NME7: variants seen among roughly 807,000 people sequenced by gnomAD.
The protein encoded by NME7 is NME/NM23 family member 7.
A neutral mutation model predicts 49.1 loss-of-function variants in NME7; 41 were observed. The observed-to-expected ratio is 0.83, with a 90% confidence interval of 0.65 to 1.08. The LOEUF is 1.08. NME7 is among the 50% of genes least tolerant of loss of function. NME7 has a pLI of 0.00. For missense variants in NME7, 423 were observed against 463.4 expected (o/e 0.91, Z 0.80); for synonymous variants, 139 against 150.6 (o/e 0.92, Z 0.56).
intron 11 of NME7, among the ~76,000 whole-genome samples, chr1:169,167,623 G>T (rs967089892): frequency 6.6e-6 from 1 of 151,976 alleles, no homozygotes. Flanking sequence ...TATTTTCTCA[G>T]AATTTTTCAT....
chr1:169,237,092 A>G (rs927278462), intron 8 of NME7, among the ~76,000 whole-genome samples: 1 of 152,106 alleles, frequency 6.6e-6, no homozygotes, highest in Non-Finnish European at 1.5e-5. Flanking sequence ...CGCAATTTTG[A>G]ACAAGCGTGG....
chr1:169,211,256 T>C (rs1451202162), intron 10 of NME7, among the ~76,000 whole-genome samples: 2 of 152,196 alleles, frequency 1.3e-5, no homozygotes, highest in Non-Finnish European at 2.9e-5. Context: ...ATCATGTATC[T>C]GTTAAAAATG....
chr1:169,198,337 C>G (rs1034356130), intron 10 of NME7, among the ~76,000 whole-genome samples: 15 of 152,046 alleles, frequency 9.9e-5, no homozygotes, highest in African/African-American at 3.6e-4. Flanking sequence ...TACCATATAA[C>G]TCAGCAATAC....
intron 11 of NME7, among the ~76,000 whole-genome samples, chr1:169,156,210 G>A (rs1309547251): frequency 1.3e-5 from 2 of 151,294 alleles, no homozygotes; most frequent in Non-Finnish European, 2.9e-5. Context: ...CTGCTAGGGA[G>A]GCTGAGGAGG....
rs778696333 is a variant in NME7 at position 169,324,377 on chromosome 1, A to C, written c.111+16T>G. 92 of 1,546,530 alleles carry C rather than the reference A, an allele frequency of 5.9e-5. No homozygotes were observed. Among genetic ancestry groups the C allele is most frequent in the Non-Finnish European group, 8.0e-5 (90 of 1,121,044 alleles). ...ACCCCCTTTGCCAACATTCAAGCAA[A>C]GAAAGGCTTATTTACCATTTCAACA... On this transcript the variant is annotated intron_variant, in intron 2 of 11. Coordinates refer to ENST00000367811, the MANE Select transcript of NME7 (RefSeq NM_013330.5).
intron 7 of NME7, among the ~76,000 whole-genome samples, chr1:169,254,367 T>C (rs979854579): frequency 2.0e-5 from 3 of 152,054 alleles, no homozygotes; most frequent in African/African-American, 7.2e-5. Context: ...GTTTGTAGTA[T>C]TCTCTGATGG....
chr1:169,301,842 C>T (rs1314915388), intron 5 of NME7: 2 of 152,088 alleles, frequency 1.3e-5, no homozygotes, highest in African/African-American at 4.8e-5. Flanking sequence ...GCTGCATGTT[C>T]GCACTTACAA....
chr1:169,324,300 A>G, intron 2 of NME7, 93 bp downstream of exon 2: 1 of 711,802 alleles, frequency 1.4e-6, no homozygotes, highest in Non-Finnish European at 2.5e-6. Context: ...ACACATACAT[A>G]TAAATGTGTT....
chr1:169,291,037 T>C (rs1178560884), intron 6 of NME7, among the ~76,000 whole-genome samples: 1 of 152,058 alleles, frequency 6.6e-6, no homozygotes, highest in African/African-American at 2.4e-5. Flanking sequence ...TGTGGAGAAA[T>C]AGAAACGCTT....
intron 3 of NME7, 93 bp downstream of exon 3, chr1:169,323,024 T>G (rs1281507121): frequency 2.1e-5 from 21 of 1,014,802 alleles, no homozygotes; most frequent in Non-Finnish European, 2.7e-5. Flanking sequence ...GTCCTATCCA[T>G]CCTCATATGG....
Position 169,323,297 on chromosome 1 carries a change from C to A in NME7, c.112-14G>T. The A allele has an allele frequency of 6.6e-7, 1 of 1,522,748 alleles. No homozygotes were observed. Among genetic ancestry groups the A allele is most frequent in the South Asian group, 1.4e-5 (1 of 72,988 alleles). 94.3% of individuals were successfully genotyped at this position (1,522,748 alleles called of 1,614,324 possible). On this transcript the variant is annotated splice_polypyrimidine_tract_variant and intron_variant, in intron 2 of 11. Coordinates refer to ENST00000367811, the MANE Select transcript of NME7 (RefSeq NM_013330.5). The stretch of plus-strand genomic sequence containing the variant: ...CTTTACATCATGCTAGAACCAGACA[C>A]AACAATATAACAAACAAACAAAAAA...
intron 1 of NME7, among the ~76,000 whole-genome samples, chr1:169,355,092 ATATATTATAGATATAATATATAATATACT>A (rs1653366122): frequency 1.8e-5 from 1 of 56,310 alleles, no homozygotes; most frequent in African/African-American, 7.7e-5. Context: ...ATAATATACT[ATATATTATAGATATAATATATAATATACT>A]ATATATTATA....
At chr1:169,182,850 A>G (rs1363958875) in intron 10 of NME7, among the ~76,000 whole-genome samples, 1 of 152,210 alleles carries the variant, frequency 6.6e-6, no homozygotes, top group East Asian at 1.9e-4. Flanking sequence ...TAGAGAAACT[A>G]GGCCTCTTGG....
intron 10 of NME7, among the ~76,000 whole-genome samples, chr1:169,224,116 A>G (rs952233613): frequency 2.6e-5 from 4 of 152,226 alleles, no homozygotes; most frequent in Admixed American, 1.3e-4. Context: ...ATCCTGACCC[A>G]GGCGATGCCT....
chr1:169,169,826 G>A (rs1164179812), intron 10 of NME7, among the ~76,000 whole-genome samples: 1 of 152,182 alleles, frequency 6.6e-6, no homozygotes, highest in Non-Finnish European at 1.5e-5. Context: ...TATAAAGACA[G>A]TAGAGATCTT....
chr1:169,225,905 C>G (rs1030145044), intron 10 of NME7, among the ~76,000 whole-genome samples: 1 of 152,162 alleles, frequency 6.6e-6, no homozygotes, highest in Non-Finnish European at 1.5e-5. Flanking sequence ...TTAGGCTGAA[C>G]TTTCTTGTGA....
chr1:169,164,045 G>T (rs1659328834), intron 11 of NME7, among the ~76,000 whole-genome samples: 1 of 151,314 alleles, frequency 6.6e-6, no homozygotes, highest in South Asian at 2.1e-4. Context: ...GGGAAGCAGA[G>T]GTTGCAGTGA....
intron 10 of NME7, among the ~76,000 whole-genome samples, chr1:169,222,056 C>A (rs1661160312): frequency 6.6e-6 from 1 of 152,036 alleles, no homozygotes; most frequent in South Asian, 2.1e-4. Flanking sequence ...GAGCCACTGT[C>A]CCTAGCTAAA....
intron 1 of NME7, among the ~76,000 whole-genome samples, chr1:169,327,989 A>C (rs1432066579): frequency 6.6e-6 from 1 of 152,210 alleles, no homozygotes; most frequent in African/African-American, 2.4e-5. Flanking sequence ...AAGCTATTCC[A>C]TTCCTGATGA....
Sources: allele counts gnomAD v4.1 joint callset (sites outside exome capture counted in the v4.1 genomes callset), GRCh38; gene constraint gnomAD v4.1.1; transcripts MANE v1.5; gene names NCBI Gene and HGNC (gene_info 2026-07-23, HGNC 2026-07-21).